The following CDK14 variants were observed in gnomAD, a reference collection of about 807,000 sequenced individuals.
The protein encoded by CDK14 is cyclin-dependent kinase 14.
CDK14 carries 34 observed loss-of-function variants against 60.7 expected under a neutral mutation model. The observed-to-expected ratio is 0.56, with a 90% CI of 0.43 to 0.75. The LOEUF is 0.75. Ranked by LOEUF, CDK14 falls within the 30% of genes least tolerant of loss-of-function variation. CDK14 has a pLI of 0.00. For synonymous variants in CDK14, 197 were observed against 203.7 expected, an observed-to-expected ratio of 0.97 and a Z score of 0.28; for missense variants, 482 against 564.1, an observed-to-expected ratio of 0.85 and a Z score of 1.47.
chr7:90,629,372 G>C (rs1210039711), intron 2 of CDK14, among the ~76,000 whole-genome samples: 1 of 152,126 alleles, frequency 6.6e-6, no homozygotes, highest in Non-Finnish European at 1.5e-5. Context: ...TTTCCCCACT[G>C]TGCTCTAAGC....
intron 2 of CDK14, among the ~76,000 whole-genome samples, chr7:90,723,700 G>A (rs985640775): frequency 2.0e-5 from 3 of 152,198 alleles, no homozygotes; most frequent in East Asian, 1.9e-4. Context: ...TGGGAGCCAT[G>A]TTAGAGACTG....
At chr7:90,694,362 G>A (rs1176950332) in intron 2 of CDK14, among the ~76,000 whole-genome samples, 1 of 152,152 alleles carries the variant, frequency 6.6e-6, no homozygotes, top group African/African-American at 2.4e-5. Flanking sequence ...TGAATTGAAT[G>A]TCGTTTGATT....
intron 2 of CDK14, among the ~76,000 whole-genome samples, chr7:90,722,915 T>G (rs1419263201): frequency 1.3e-5 from 2 of 152,232 alleles, no homozygotes; most frequent in Non-Finnish European, 2.9e-5. Flanking sequence ...GGAGTTCCTC[T>G]GTTTCCTGAA....
At chr7:91,197,386 T>G in intron 14 of CDK14, among the ~76,000 whole-genome samples, 1 of 136,240 alleles carries the variant, frequency 7.3e-6, no homozygotes, top group African/African-American at 2.8e-5. Flanking sequence ...GGCAACAGAG[T>G]GAGAGACTCT....
At chr7:90,986,560 GGT>G (rs1795377545) in intron 10 of CDK14, among the ~76,000 whole-genome samples, 1 of 151,658 alleles carries the variant, frequency 6.6e-6, no homozygotes, top group South Asian at 2.1e-4. Flanking sequence ...AAACATGTTT[GGT>G]TTTTTGTTCT....
chr7:90,734,327 C>A (rs562202916), intron 3 of CDK14, among the ~76,000 whole-genome samples: 1 of 152,136 alleles, frequency 6.6e-6, no homozygotes, highest in African/African-American at 2.4e-5. Flanking sequence ...GTGGTGGTCT[C>A]TGTATTTCCT....
intron 10 of CDK14, among the ~76,000 whole-genome samples, chr7:91,018,776 T>A (rs908299313): frequency 3.3e-5 from 5 of 152,232 alleles, no homozygotes; most frequent in African/African-American, 4.8e-5. Context: ...TTCCCCTTCA[T>A]GTTCCTCCAT....
At chr7:90,849,076 G>T (rs1384595438) in intron 5 of CDK14, among the ~76,000 whole-genome samples, 7 of 152,130 alleles carry the variant, frequency 4.6e-5, no homozygotes, top group Admixed American at 1.3e-4. Context: ...GTTGAAATGT[G>T]ATTCCCAGTG....
At chr7:90,774,343 A>G (rs776967756) in intron 4 of CDK14, among the ~76,000 whole-genome samples, 5 of 152,150 alleles carry the variant, frequency 3.3e-5, no homozygotes, top group Admixed American at 6.5e-5. Context: ...TCAACTTTAT[A>G]TTTAATTGAA....
chr7:90,756,628 G>A (rs1378617839), intron 4 of CDK14, among the ~76,000 whole-genome samples: 1 of 152,178 alleles, frequency 6.6e-6, no homozygotes. Context: ...AGGTGGCTAA[G>A]TCAGGCTGAA....
intron 10 of CDK14, among the ~76,000 whole-genome samples, chr7:91,034,888 C>CTA (rs748621915): frequency 9.3e-5 from 14 of 150,912 alleles, no homozygotes; most frequent in Non-Finnish European, 1.8e-4. Flanking sequence ...AAGAAAGGAA[C>CTA]TATATATATG....
intron 5 of CDK14, among the ~76,000 whole-genome samples, chr7:90,813,003 T>G (rs1789197887): frequency 6.6e-6 from 1 of 152,126 alleles, no homozygotes; most frequent in Admixed American, 6.5e-5. Flanking sequence ...ATAGCCAAAA[T>G]CTGGAAACAA....
chr7:90,890,408 A>G (rs75555803), intron 6 of CDK14, among the ~76,000 whole-genome samples: 7,026 of 152,236 alleles, frequency 0.046, 183 homozygotes, highest in South Asian at 0.077. Context: ...GTAGGTAGGT[A>G]GACAGATAGA....
intron 12 of CDK14, among the ~76,000 whole-genome samples, chr7:91,110,532 C>A (rs1799440937): frequency 6.6e-6 from 1 of 152,106 alleles, no homozygotes; most frequent in South Asian, 2.1e-4. Context: ...AAACCAAGAT[C>A]AAAAATAGTA....
At chr7:90,936,838 G>T (rs1793770309) in intron 8 of CDK14, among the ~76,000 whole-genome samples, 1 of 152,120 alleles carries the variant, frequency 6.6e-6, no homozygotes, top group South Asian at 2.1e-4. Flanking sequence ...TAAAACTTTG[G>T]GAAGCTGACA....
intron 11 of CDK14, among the ~76,000 whole-genome samples, chr7:91,055,503 A>G (rs1233172999): frequency 6.6e-6 from 1 of 152,230 alleles, no homozygotes; most frequent in Admixed American, 6.5e-5. Context: ...TAAATTTTCA[A>G]GGGAAAATGA....
intron 14 of CDK14, among the ~76,000 whole-genome samples, chr7:91,129,848 C>G (rs1800065520): frequency 6.6e-6 from 1 of 152,056 alleles, no homozygotes; most frequent in African/African-American, 2.4e-5. Flanking sequence ...TGAAACGTGT[C>G]AACCTTTGAA....
chr7:90,614,199 T>A (rs896202897), intron 2 of CDK14, among the ~76,000 whole-genome samples: 1 of 152,032 alleles, frequency 6.6e-6, no homozygotes, highest in Non-Finnish European at 1.5e-5. Context: ...GAGACAGGGT[T>A]TCACTGTGTT....
chr7:90,998,038 C>A (rs1795735851), intron 10 of CDK14, among the ~76,000 whole-genome samples: 3 of 152,216 alleles, frequency 2.0e-5, no homozygotes, highest in Admixed American at 2.0e-4. Flanking sequence ...TACCAAAAAT[C>A]TTTTTTAGGC....
Sources: gnomAD v4.1 joint callset for allele counts (sites outside exome capture counted in the v4.1 genomes callset) on GRCh38, gnomAD v4.1.1 for gene constraint, MANE v1.5 for transcripts, NCBI Gene and HGNC (gene_info 2026-07-23, HGNC 2026-07-21) for gene names.